WNT3: variants seen among roughly 807,000 people sequenced by gnomAD.
WNT3 encodes the protein Wnt family member 3.
WNT3 carries 7 observed loss-of-function variants against 34.2 expected under a neutral mutation model. That is an observed-to-expected ratio of 0.20 (90% confidence interval 0.12 to 0.38). WNT3 has a LOEUF of 0.38. Among genes scored for constraint, WNT3 ranks in the 10% least tolerant of loss-of-function variants. WNT3 has a pLI of 1.00. For missense variants in WNT3, 267 were observed against 499.8 expected (o/e 0.53, Z 4.44); for synonymous variants, 212 against 211.5 (o/e 1.00, Z -0.02).
intron 4 of WNT3, among the ~76,000 whole-genome samples, chr17:46,767,744 T>C (rs188246084): frequency 2.0e-5 from 3 of 152,338 alleles, no homozygotes; most frequent in Admixed American, 2.0e-4. Context: ...AATCAATTGC[T>C]GGCACCTAAT....
chr17:46,787,921 A>T (rs911831258), intron 1 of WNT3, among the ~76,000 whole-genome samples: 8 of 148,454 alleles, frequency 5.4e-5, no homozygotes, highest in East Asian at 2.0e-4. Context: ...GTGCCACTGC[A>T]CTCCAGCCTG....
At position 46,773,640 on chromosome 17, in the gene WNT3, T is replaced by TC. The variant is rs368579618; in HGVS notation, c.322+27dup. 2,255 of 327,732 alleles carry TC rather than the reference T, an allele frequency of 6.9e-3. 36 individuals are homozygous for TC. In the African/African-American group the frequency reaches 0.095, roughly 14 times the overall value. The allele number at this position is 327,732 out of a possible 1,614,324, so 20.3% of individuals were successfully genotyped here. A position where few individuals can be genotyped will look rare whatever the true frequency, so the allele number is the denominator to read the frequency against. ...CTGATCCCTCCCCCCACCCAGCCCCTCCCCCCCCCTCAGCCCCAAGGCAGT... is the reference window on the plus strand; with the variant it reads ...CTGATCCCTCCCCCCACCCAGCCCCTCCCCCCCCCCTCAGCCCCAAGGCAGT... On this transcript the variant is annotated intron_variant, in intron 2 of 4. Coordinates refer to ENST00000225512, the MANE Select transcript of WNT3 (RefSeq NM_030753.5).
chr17:46,795,002 C>T (rs568542987), intron 1 of WNT3, among the ~76,000 whole-genome samples: 22 of 152,140 alleles, frequency 1.4e-4, no homozygotes, highest in Admixed American at 1.1e-3. Context: ...CTGCCCGCCT[C>T]GGCCTCCCAA....
At chr17:46,787,958 A>G (rs1473350157) in intron 1 of WNT3, among the ~76,000 whole-genome samples, 4 of 124,522 alleles carry the variant, frequency 3.2e-5, no homozygotes, top group African/African-American at 7.7e-5. Flanking sequence ...TCTGCCTCAG[A>G]AAAAAAAAAA....
chr17:46,790,400 A>G (rs919917176), intron 1 of WNT3, among the ~76,000 whole-genome samples: 27 of 152,172 alleles, frequency 1.8e-4, no homozygotes, highest in Middle Eastern at 3.4e-3. Flanking sequence ...GGCCCCCTGC[A>G]GAGAAAGGGA....
chr17:46,769,316 A>C (rs1398670481), intron 3 of WNT3, among the ~76,000 whole-genome samples: 1 of 30,972 alleles, frequency 3.2e-5, no homozygotes, highest in Non-Finnish European at 6.6e-5. Flanking sequence ...ACTCCGTCTC[A>C]AAAAAAAAAA....
At chr17:46,766,756 T>A (rs540987574) in intron 4 of WNT3, among the ~76,000 whole-genome samples, 1 of 152,170 alleles carries the variant, frequency 6.6e-6, no homozygotes, top group Non-Finnish European at 1.5e-5. Context: ...GGCACAGACA[T>A]GTGCCAGTAG....
intron 2 of WNT3, among the ~76,000 whole-genome samples, chr17:46,771,823 G>A (rs1037241109): frequency 6.9e-6 from 1 of 144,276 alleles, no homozygotes; most frequent in African/African-American, 2.5e-5. Context: ...CGCGGCGGCC[G>A]CGCGGTGGGG....
intron 4 of WNT3, among the ~76,000 whole-genome samples, chr17:46,767,779 T>TTTG (rs1555681900): frequency 2.6e-5 from 4 of 152,040 alleles, no homozygotes; most frequent in African/African-American, 7.3e-5. Flanking sequence ...TTTTGTTTTT[T>TTTG]TTTGTTTGTT....
chr17:46,778,571 A>G (rs552347100), intron 1 of WNT3, among the ~76,000 whole-genome samples: 5 of 152,122 alleles, frequency 3.3e-5, no homozygotes, highest in African/African-American at 9.6e-5. Flanking sequence ...AAATTCCACC[A>G]TCGCAGACAC....
chr17:46,792,473 G>T (rs73304547), intron 1 of WNT3, among the ~76,000 whole-genome samples: 2 of 152,020 alleles, frequency 1.3e-5, no homozygotes, highest in African/African-American at 4.8e-5. Flanking sequence ...ACTCAGAGTG[G>T]CCATTTTATT....
intron 4 of WNT3, among the ~76,000 whole-genome samples, chr17:46,767,165 G>A (rs1200894819): frequency 6.6e-6 from 1 of 152,064 alleles, no homozygotes; most frequent in Non-Finnish European, 1.5e-5. Flanking sequence ...ACCTATCCCG[G>A]GGTGCTGTGG....
intron 1 of WNT3, among the ~76,000 whole-genome samples, chr17:46,809,334 G>A (rs1192874560): frequency 8.5e-5 from 13 of 152,292 alleles, no homozygotes; most frequent in South Asian, 6.2e-4. Context: ...TTCCTAATGG[G>A]CCCTGCGAGA....
intron 2 of WNT3, among the ~76,000 whole-genome samples, chr17:46,771,405 G>T (rs1255204195): frequency 2.0e-5 from 3 of 151,420 alleles, no homozygotes; most frequent in Admixed American, 6.6e-5. Flanking sequence ...CAGGGCGGGC[G>T]CCCCTCGTTT....
chr17:46,773,492 C>A (rs530925631), intron 2 of WNT3, among the ~76,000 whole-genome samples, 176 bp downstream of exon 2: 7 of 152,098 alleles, frequency 4.6e-5, no homozygotes, highest in Non-Finnish European at 7.4e-5. Flanking sequence ...CATCTCAAGG[C>A]GGCCCAGCCC....
At chr17:46,773,623 T>TGCCCCCCCCCCC in intron 2 of WNT3, 45 bp downstream of exon 2, 1 of 383,492 alleles carries the variant, frequency 2.6e-6, no homozygotes, top group Non-Finnish European at 5.2e-6. Flanking sequence ...TCCTGATCCC[T>TGCCCCCCCCCCC]CCCCCCACCC....
intron 1 of WNT3, among the ~76,000 whole-genome samples, chr17:46,790,969 C>T (rs537465785): frequency 1.8e-4 from 28 of 152,346 alleles, no homozygotes; most frequent in African/African-American, 6.3e-4. Flanking sequence ...CCTGACTCCT[C>T]GTTTCCTCTG....
Position 46,768,474 on chromosome 17 carries a change from T to A in WNT3, c.914A>T (p.His305Leu). 6.2e-7 allele frequency: 1 copy of A among 1,614,104 alleles called. No homozygotes were observed. The highest frequency in any genetic ancestry group is 8.5e-7 in the Non-Finnish European group (1 of 1,180,022). ...TRDRTCNVTS[H>L]GIDGCDLLCC... ...GAGCAGATCGCAGCCATCGATGCCG[T>A]GGGAGGTGACATTGCAAGTCCGGTC... The change falls in exon 4 of 5, where the codon CAC becomes CTC. Residue 305 changes from histidine to leucine, a missense_variant. By Grantham distance (99) the His-to-Leu change is moderately conservative. Coordinates refer to ENST00000225512, the MANE Select transcript of WNT3 (RefSeq NM_030753.5). The surrounding 1 kb of genome is among the most constrained non-coding windows in gnomAD (Gnocchi z 5.0).
Position 46,768,362 on chromosome 17 carries a change from G to A in WNT3, c.1026C>T (p.Cys342=). 1 of 1,613,802 alleles carries A rather than the reference G, an allele frequency of 6.2e-7. No individual in the cohort carries two copies. The change falls in exon 4 of 5, where the codon TGC becomes TGT. Residue 342 remains cysteine, a synonymous_variant. Transcript: ENST00000225512. This position sits in a 1 kb window ranked among gnomAD's most constrained non-coding sequence, Gnocchi z 5.0. Reference sequence around the variant, plus strand: ...CGTCGTAGATGCGAATACACTCCTGGCAGCTGACGTAGCAGCACCAGTGGA... The same window carrying A: ...CGTCGTAGATGCGAATACACTCCTGACAGCTGACGTAGCAGCACCAGTGGA... ...CIFHWCCYVS[C]QECIRIYDVH...
Sources: gnomAD v4.1 joint callset for allele counts (sites outside exome capture counted in the v4.1 genomes callset) on GRCh38, gnomAD v4.1.1 for gene constraint, Gnocchi (gnomAD v3.1) non-coding constraint, MANE v1.5 for transcripts, NCBI Gene and HGNC (gene_info 2026-07-23, HGNC 2026-07-21) for gene names.